The following LMBRD1 variants were observed in gnomAD, a reference collection of about 807,000 sequenced individuals.
The protein encoded by LMBRD1 is LMBR1 domain containing 1.
LMBRD1 carries 64 observed loss-of-function variants against 74.8 expected under a neutral mutation model. That is an observed-to-expected ratio of 0.86 (90% CI 0.70 to 1.05). The LOEUF (loss-of-function observed/expected upper bound fraction) is 1.05. Among genes scored for constraint, LMBRD1 ranks in the 50% least tolerant of loss-of-function variants. The pLI, the probability that LMBRD1 is intolerant of heterozygous loss-of-function variation, is 0.00. For synonymous variants in LMBRD1, 204 were observed against 216.3 expected, an observed-to-expected ratio of 0.94 and a Z score of 0.50; for missense variants, 652 against 645.9, an observed-to-expected ratio of 1.01 and a Z score of -0.10.
intron 14 of LMBRD1, among the ~76,000 whole-genome samples, chr6:69,683,794 G>C (rs755946052): frequency 6.6e-6 from 1 of 152,010 alleles, no homozygotes; most frequent in Non-Finnish European, 1.5e-5. Flanking sequence ...TATCAGCAAA[G>C]AGAATGGAAG....
At chr6:69,706,259 TG>T in intron 9 of LMBRD1, 1 of 267,156 alleles carries the variant, frequency 3.7e-6, no homozygotes, top group Admixed American at 4.7e-5. Context: ...CATCAGGGAC[TG>T]ATCTCTATTT....
intron 7 of LMBRD1, among the ~76,000 whole-genome samples, chr6:69,730,100 G>A (rs888326926): frequency 7.9e-5 from 12 of 151,832 alleles, no homozygotes; most frequent in African/African-American, 2.7e-4. Context: ...CTATTAATAG[G>A]TTGGCCCTAA....
chr6:69,709,169 G>A (rs1250707521), intron 9 of LMBRD1, among the ~76,000 whole-genome samples: 1 of 152,004 alleles, frequency 6.6e-6, no homozygotes, highest in Non-Finnish European at 1.5e-5. Context: ...GGGAGGCGGA[G>A]CTTGCGGTGA....
intron 3 of LMBRD1, among the ~76,000 whole-genome samples, chr6:69,760,502 C>A (rs1240298210): frequency 6.6e-6 from 1 of 152,174 alleles, no homozygotes; most frequent in Non-Finnish European, 1.5e-5. Flanking sequence ...TCAAACTTCA[C>A]ACTTAATATG....
chr6:69,724,665 A>G (rs981496388), intron 7 of LMBRD1, among the ~76,000 whole-genome samples: 2 of 151,582 alleles, frequency 1.3e-5, no homozygotes, highest in African/African-American at 4.8e-5. Context: ...GATAATGTTC[A>G]ACATCCTTTC....
intron 11 of LMBRD1, among the ~76,000 whole-genome samples, chr6:69,701,220 A>G (rs912156834): frequency 6.6e-6 from 1 of 151,908 alleles, no homozygotes; most frequent in Non-Finnish European, 1.5e-5. Context: ...TGTATAACAT[A>G]AAAGTCCAGG....
intron 14 of LMBRD1, among the ~76,000 whole-genome samples, chr6:69,684,288 T>C (rs773084468): frequency 3.3e-5 from 5 of 151,470 alleles, no homozygotes; most frequent in Non-Finnish European, 5.9e-5. Context: ...CCAAAGAACA[T>C]AGAGTAAATG....
intron 3 of LMBRD1, among the ~76,000 whole-genome samples, chr6:69,755,217 T>C (rs1305612497): frequency 6.6e-6 from 1 of 152,180 alleles, no homozygotes; most frequent in East Asian, 1.9e-4. Context: ...AAAGAAAATG[T>C]GGCACATATA....
At chr6:69,706,206 A>G (rs1325725179) in intron 9 of LMBRD1, 2 of 421,796 alleles carry the variant, frequency 4.7e-6, no homozygotes, top group East Asian at 5.2e-5. Context: ...AGATGGAGAT[A>G]AACAACCACA....
intron 3 of LMBRD1, among the ~76,000 whole-genome samples, chr6:69,775,496 G>A (rs1765680891): frequency 6.6e-6 from 1 of 152,184 alleles, no homozygotes; most frequent in Admixed American, 6.5e-5. Flanking sequence ...TATGTTTACA[G>A]TTAAACTAAT....
rs151299696 is a variant in LMBRD1 at position 69,744,361 on chromosome 6, G to A, written c.474-2484C>T. ...TTTTACTACTCAAGGTCATCATCAA[G>A]GTCTGATTTTTCACCAAAAAAATTT... is the stretch of plus-strand genomic sequence containing the variant. On this transcript the variant is annotated intron_variant, in intron 5 of 15. Coordinates refer to ENST00000649934, the MANE Select transcript of LMBRD1 (RefSeq NM_018368.4). Among the ~76,000 whole-genome samples the A allele has an allele frequency of 3.3e-3, 505 of 152,272 alleles. 6 individuals carry two copies. Among genetic ancestry groups the A allele is most frequent in the Non-Finnish European group, 2.6e-3 (174 of 68,022 alleles).
chr6:69,780,587 G>C, intron 2 of LMBRD1, 33 bp from the exon 3 acceptor site: 2 of 1,500,630 alleles, frequency 1.3e-6, no homozygotes, highest in Non-Finnish European at 1.9e-6. Context: ...AAATATTAAT[G>C]AAACACCCAT....
chr6:69,702,181 C>T (rs926670397), intron 9 of LMBRD1, among the ~76,000 whole-genome samples: 2 of 151,706 alleles, frequency 1.3e-5, no homozygotes, highest in African/African-American at 4.8e-5. Context: ...TTTGAAAAGT[C>T]TTCACTAATA....
intron 2 of LMBRD1, 66 bp from the exon 3 acceptor site, chr6:69,780,620 G>C (rs1765812312): frequency 4.3e-6 from 5 of 1,156,534 alleles, no homozygotes; most frequent in African/African-American, 1.5e-5. Context: ...TAAAAGTCAA[G>C]TTTTAATACG....
intron 7 of LMBRD1, among the ~76,000 whole-genome samples, chr6:69,735,770 A>G (rs192601214): frequency 3.4e-4 from 52 of 152,304 alleles, no homozygotes; most frequent in Middle Eastern, 3.4e-3. Flanking sequence ...TTTTCCATTT[A>G]AAAACTTCCA....
At chr6:69,737,308 T>C (rs772931133) in intron 7 of LMBRD1, among the ~76,000 whole-genome samples, 2 of 152,056 alleles carry the variant, frequency 1.3e-5, no homozygotes, top group African/African-American at 4.8e-5. Flanking sequence ...TTATCTACAA[T>C]GTGAGCAAAA....
chr6:69,709,013 T>C (rs1022254485), intron 9 of LMBRD1, among the ~76,000 whole-genome samples: 2 of 152,160 alleles, frequency 1.3e-5, no homozygotes, highest in Admixed American at 6.6e-5. Flanking sequence ...GGCAGGCAGA[T>C]CGCCTGAGGT....
chr6:69,685,005 C>G (rs1765733863), intron 14 of LMBRD1, among the ~76,000 whole-genome samples: 1 of 151,988 alleles, frequency 6.6e-6, no homozygotes, highest in Admixed American at 6.6e-5. Flanking sequence ...TTTTCTTATT[C>G]TCAAGGAACT....
intron 7 of LMBRD1, among the ~76,000 whole-genome samples, chr6:69,721,651 G>C (rs916661276): frequency 3.9e-5 from 6 of 152,170 alleles, no homozygotes; most frequent in African/African-American, 1.4e-4. Context: ...AGCTATGGTG[G>C]CTGTGGTAAA....
Sources: allele counts gnomAD v4.1 joint callset (sites outside exome capture counted in the v4.1 genomes callset), GRCh38; gene constraint gnomAD v4.1.1; transcripts MANE v1.5; gene names NCBI Gene and HGNC (gene_info 2026-07-23, HGNC 2026-07-21).